Variants in CADM1 observed in about 807,000 individuals in gnomAD.
CADM1 encodes TSLC-1.
A neutral mutation model predicts 53.1 loss-of-function variants in CADM1; 15 were observed. The ratio of observed to expected loss-of-function variants is 0.28; its 90% CI spans 0.19 to 0.44. The LOEUF (loss-of-function observed/expected upper bound fraction) is 0.44, where lower values mean the gene tolerates loss of function less well. CADM1 is among the 20% of genes least tolerant of loss of function. The pLI, the probability that CADM1 is intolerant of heterozygous loss-of-function variation, is 1.00. For synonymous variants in CADM1, 281 were observed against 243.0 expected (o/e 1.16, Z -1.45); for missense variants, 434 against 611.3 (o/e 0.71, Z 3.06).
intron 1 of CADM1, among the ~76,000 whole-genome samples, chr11:115,459,680 T>G (rs1948754096): frequency 6.6e-6 from 1 of 152,086 alleles, no homozygotes; most frequent in Non-Finnish European, 1.5e-5. Context: ...GAGACTAAAT[T>G]GGAAGGATTG....
intron 9 of CADM1, among the ~76,000 whole-genome samples, chr11:115,195,763 G>T (rs1331077282): frequency 6.6e-6 from 1 of 152,150 alleles, no homozygotes; most frequent in Non-Finnish European, 1.5e-5. Flanking sequence ...AACTGACCTG[G>T]AAGTTTTTCC....
chr11:115,384,678 A>G (rs910997232), intron 1 of CADM1, among the ~76,000 whole-genome samples: 1 of 152,200 alleles, frequency 6.6e-6, no homozygotes, highest in African/African-American at 2.4e-5. Context: ...ATATATACCC[A>G]TGGAAAGGCT....
intron 3 of CADM1, among the ~76,000 whole-genome samples, chr11:115,237,393 A>G (rs1942046656): frequency 6.6e-6 from 1 of 152,202 alleles, no homozygotes; most frequent in African/African-American, 2.4e-5. Context: ...TGTCAAAAAC[A>G]TATATGTGAG....
chr11:115,181,720 T>C (rs752012718), intron 10 of CADM1, among the ~76,000 whole-genome samples: 1 of 152,210 alleles, frequency 6.6e-6, no homozygotes, highest in Non-Finnish European at 1.5e-5. Flanking sequence ...AAAGCAGAGC[T>C]GTTTCTGGAG....
chr11:115,429,560 A>G (rs1947987341), intron 1 of CADM1, among the ~76,000 whole-genome samples: 1 of 151,074 alleles, frequency 6.6e-6, no homozygotes, highest in African/African-American at 2.4e-5. Flanking sequence ...AGATCGTGCC[A>G]TTGCGCTCCA....
At chr11:115,287,573 C>T (rs1207980551) in intron 1 of CADM1, 3 of 152,224 alleles carry the variant, frequency 2.0e-5, no homozygotes, top group Non-Finnish European at 4.4e-5. Context: ...AGGCAGCTGA[C>T]AAACAGCAAC....
intron 1 of CADM1, among the ~76,000 whole-genome samples, chr11:115,448,932 C>G (rs1948512006): frequency 2.6e-5 from 4 of 152,136 alleles, no homozygotes; most frequent in Admixed American, 2.6e-4. Context: ...TTATTCTTCC[C>G]ATGAAAGAAA....
chr11:115,445,732 T>A (rs551072855), intron 1 of CADM1: 2 of 449,116 alleles, frequency 4.5e-6, no homozygotes, highest in East Asian at 1.5e-4. Context: ...TAGTCCCAGC[T>A]ACTTGAGAGG....
chr11:115,376,441 T>C (rs1946439951), intron 1 of CADM1, among the ~76,000 whole-genome samples: 1 of 152,102 alleles, frequency 6.6e-6, no homozygotes, highest in Non-Finnish European at 1.5e-5. Flanking sequence ...ACATAGTTTC[T>C]ACAAAAAATG....
intron 1 of CADM1, among the ~76,000 whole-genome samples, chr11:115,312,041 T>C (rs1202265878): frequency 2.6e-5 from 4 of 152,112 alleles, no homozygotes; most frequent in Admixed American, 2.6e-4. Flanking sequence ...TCCATGAACA[T>C]GAATACAACA....
intron 2 of CADM1, among the ~76,000 whole-genome samples, chr11:115,239,792 AGTCCATT>A (rs933961192): frequency 5.9e-5 from 9 of 152,034 alleles, no homozygotes; most frequent in Admixed American, 5.2e-4. Flanking sequence ...ATTCTATACA[AGTCCATT>A]GCAATTTTGT....
chr11:115,461,132 C>CAT (rs1555089192), intron 1 of CADM1, among the ~76,000 whole-genome samples: 4 of 149,988 alleles, frequency 2.7e-5, no homozygotes, highest in Non-Finnish European at 4.4e-5. Context: ...CACACACACA[C>CAT]ATACTTGTAT....
chr11:115,362,298 TC>T (rs1946049715), intron 1 of CADM1, among the ~76,000 whole-genome samples: 1 of 152,168 alleles, frequency 6.6e-6, no homozygotes, highest in African/African-American at 2.4e-5. Flanking sequence ...CTTTGCCCTA[TC>T]TTATACCACT....
intron 9 of CADM1, among the ~76,000 whole-genome samples, chr11:115,196,413 A>G (rs930594343): frequency 5.3e-5 from 8 of 152,214 alleles, no homozygotes; most frequent in African/African-American, 1.9e-4. Context: ...GACCTAGAAA[A>G]TAGAATTCTG....
chr11:115,421,744 T>C lies in CADM1; in HGVS notation c.124+82527A>G, dbSNP rs1445355046. On this transcript the variant is annotated intron_variant, in intron 1 of 11. Coordinates refer to ENST00000331581, the MANE Select transcript of CADM1 (RefSeq NM_001301043.2). Reference sequence around the variant, plus strand: ...AGCAGCATGCCATTGCCAGAGAAAATTGTACATGTTTCTCTCAAGCACAGT... The same window carrying C: ...AGCAGCATGCCATTGCCAGAGAAAACTGTACATGTTTCTCTCAAGCACAGT... Among the ~76,000 whole-genome samples the C allele has an allele frequency of 2.0e-5, 3 of 152,116 alleles. No individual in the cohort carries two copies. In the East Asian group the frequency reaches 5.8e-4, roughly 29 times the overall value.
chr11:115,307,030 A>G (rs1213989382), intron 1 of CADM1, among the ~76,000 whole-genome samples: 1 of 151,944 alleles, frequency 6.6e-6, no homozygotes, highest in African/African-American at 2.4e-5. Context: ...CAGAATGTCA[A>G]AGAGAGAGCT....
chr11:115,189,631 C>T (rs1004350049), intron 10 of CADM1, among the ~76,000 whole-genome samples: 4 of 152,186 alleles, frequency 2.6e-5, no homozygotes, highest in African/African-American at 7.2e-5. Flanking sequence ...AACTACACCA[C>T]AAAGAAGTGG....
intron 1 of CADM1, among the ~76,000 whole-genome samples, chr11:115,448,704 A>G (rs1948506919): frequency 6.6e-6 from 1 of 152,142 alleles, no homozygotes; most frequent in Non-Finnish European, 1.5e-5. Flanking sequence ...CCAAGAAAAG[A>G]AAAAGAATGG....
At chr11:115,340,652 A>AT (rs1310417030) in intron 1 of CADM1, among the ~76,000 whole-genome samples, 51 of 40,808 alleles carry the variant, frequency 1.2e-3, no homozygotes, top group African/African-American at 1.6e-3. Flanking sequence ...ATATATATAT[A>AT]TATATATTTT....
Sources: allele counts gnomAD v4.1 joint callset (sites outside exome capture counted in the v4.1 genomes callset), GRCh38; gene constraint gnomAD v4.1.1; transcripts MANE v1.5; gene names NCBI Gene and HGNC (gene_info 2026-07-23, HGNC 2026-07-21).